Variants in AGBL1 observed in about 807,000 individuals in gnomAD.
The protein encoded by AGBL1 is AGBL carboxypeptidase 1.
A neutral mutation model predicts 118.9 loss-of-function variants in AGBL1; 130 were observed. The ratio of observed to expected loss-of-function variants is 1.09; its 90% CI spans 0.95 to 1.26. The LOEUF (loss-of-function observed/expected upper bound fraction) is 1.26, where lower values mean the gene tolerates loss of function less well. AGBL1 is among the 50% of genes most tolerant of loss of function. The pLI is 0.00. For synonymous variants in AGBL1, 555 were observed against 478.9 expected (o/e 1.16, Z -2.08); for missense variants, 1,584 against 1,298.1 (o/e 1.22, Z -3.38).
chr15:86,931,934 G>C (rs1400949925), intron 23 of AGBL1, among the ~76,000 whole-genome samples: 2 of 152,172 alleles, frequency 1.3e-5, no homozygotes, highest in African/African-American at 2.4e-5. Flanking sequence ...CAAGTGTGAT[G>C]CTATCTAGCA....
chr15:86,347,615 C>T (rs1392648967), intron 17 of AGBL1, among the ~76,000 whole-genome samples: 3 of 152,176 alleles, frequency 2.0e-5, no homozygotes, highest in African/African-American at 7.2e-5. Flanking sequence ...TAAATATATG[C>T]CTTCCTGAAG....
At chr15:86,232,154 C>A (rs1325196234) in intron 6 of AGBL1, among the ~76,000 whole-genome samples, 1 of 152,214 alleles carries the variant, frequency 6.6e-6, no homozygotes, top group Non-Finnish European at 1.5e-5. Flanking sequence ...AAATTCAGTC[C>A]TCTCTGCCAA....
chr15:86,288,043 A>G (rs1411593889), intron 16 of AGBL1, among the ~76,000 whole-genome samples: 2 of 152,176 alleles, frequency 1.3e-5, no homozygotes, highest in Non-Finnish European at 2.9e-5. Context: ...CCTTGTTCAC[A>G]CCACAGCACT....
At chr15:86,344,629 A>C (rs559437563) in intron 17 of AGBL1, among the ~76,000 whole-genome samples, 1 of 152,062 alleles carries the variant, frequency 6.6e-6, no homozygotes, top group Admixed American at 6.5e-5. Flanking sequence ...GACCTAGAGC[A>C]CATCATTCAA....
chr15:86,749,283 G>C (rs145297312), intron 22 of AGBL1, among the ~76,000 whole-genome samples: 1 of 152,250 alleles, frequency 6.6e-6, no homozygotes, highest in Non-Finnish European at 1.5e-5. Flanking sequence ...TTGTGAATGG[G>C]AGGTCACTCA....
chr15:86,960,239 A>C (rs2080977672), intron 23 of AGBL1, among the ~76,000 whole-genome samples: 1 of 152,012 alleles, frequency 6.6e-6, no homozygotes, highest in Admixed American at 6.6e-5. Flanking sequence ...TTTTTATTCT[A>C]TTAGGGAGCT....
chr15:86,099,838 A>AT (rs1280885488), intron 1 of AGBL1, among the ~76,000 whole-genome samples: 1 of 151,994 alleles, frequency 6.6e-6, no homozygotes, highest in African/African-American at 2.4e-5. Flanking sequence ...TTTTTTTCTC[A>AT]TGCCAGATTG....
chr15:86,477,512 C>G (rs2082578550), intron 18 of AGBL1, among the ~76,000 whole-genome samples: 1 of 152,306 alleles, frequency 6.6e-6, no homozygotes, highest in African/African-American at 2.4e-5. Flanking sequence ...GGCACATACA[C>G]CCTCCCAAGA....
intron 22 of AGBL1, among the ~76,000 whole-genome samples, chr15:86,684,339 G>A (rs889954358): frequency 4.9e-4 from 75 of 152,042 alleles, no homozygotes; most frequent in Non-Finnish European, 2.2e-4. Context: ...TCTCAGGAAG[G>A]AAGGAAGTAA....
At chr15:86,729,477 G>T (rs2077500299) in intron 22 of AGBL1, among the ~76,000 whole-genome samples, 2 of 152,120 alleles carry the variant, frequency 1.3e-5, no homozygotes. Flanking sequence ...CCATCTTAAT[G>T]CCCATGTTTA....
chr15:86,304,666 C>T (rs751215191), intron 17 of AGBL1, among the ~76,000 whole-genome samples: 2 of 152,172 alleles, frequency 1.3e-5, no homozygotes, highest in Non-Finnish European at 2.9e-5. Flanking sequence ...GGAAAGTTAC[C>T]TCTTACCCGG....
At chr15:86,168,053 G>C (rs2141740252) in intron 5 of AGBL1, among the ~76,000 whole-genome samples, 1 of 152,268 alleles carries the variant, frequency 6.6e-6, no homozygotes, top group Admixed American at 6.5e-5. Flanking sequence ...GTTTTGGTTT[G>C]CCTGAGTTGT....
chr15:86,450,480 A>G (rs776778237), intron 18 of AGBL1, among the ~76,000 whole-genome samples: 1 of 152,184 alleles, frequency 6.6e-6, no homozygotes, highest in Non-Finnish European at 1.5e-5. Flanking sequence ...TTGCTCTAGA[A>G]TGAAGTGTTT....
intron 17 of AGBL1, among the ~76,000 whole-genome samples, chr15:86,301,222 A>G (rs2079739333): frequency 6.6e-6 from 1 of 152,264 alleles, no homozygotes; most frequent in Middle Eastern, 3.4e-3. Context: ...AAGTATCACT[A>G]TGGGATTACT....
intron 22 of AGBL1, among the ~76,000 whole-genome samples, chr15:86,903,922 T>C (rs993342977): frequency 6.9e-6 from 1 of 145,952 alleles, no homozygotes; most frequent in African/African-American, 2.6e-5. Context: ...TCCACTGATA[T>C]TGAAGGGGAG....
At chr15:86,953,719 G>A (rs1596670484) in intron 23 of AGBL1, among the ~76,000 whole-genome samples, 1 of 152,050 alleles carries the variant, frequency 6.6e-6, no homozygotes, top group Admixed American at 6.6e-5. Flanking sequence ...TTGACTTTCA[G>A]CCTAGACATT....
At chr15:86,352,335 T>A (rs2080640708) in intron 17 of AGBL1, among the ~76,000 whole-genome samples, 1 of 152,222 alleles carries the variant, frequency 6.6e-6, no homozygotes, top group Admixed American at 6.5e-5. Flanking sequence ...ATTGACCTCT[T>A]GGAATCATGG....
intron 22 of AGBL1, among the ~76,000 whole-genome samples, chr15:86,711,482 T>A (rs1178593765): frequency 1.3e-5 from 2 of 152,214 alleles, no homozygotes; most frequent in Non-Finnish European, 2.9e-5. Context: ...TGTCCATGCT[T>A]AGTCACTGCC....
intron 23 of AGBL1, among the ~76,000 whole-genome samples, chr15:86,934,205 C>A (rs1388543660): frequency 6.6e-6 from 1 of 152,136 alleles, no homozygotes; most frequent in African/African-American, 2.4e-5. Context: ...ATTCACCTCT[C>A]CAAGGAGACT....
Sources: allele counts gnomAD v4.1 joint callset (sites outside exome capture counted in the v4.1 genomes callset), GRCh38; gene constraint gnomAD v4.1.1; transcripts MANE v1.5; gene names NCBI Gene and HGNC (gene_info 2026-07-23, HGNC 2026-07-21).